The following SASH1 variants were observed in gnomAD, a reference collection of about 807,000 sequenced individuals.
SASH1 encodes the protein SAM and SH3 domain-containing protein 1.
Under a neutral mutation model 125.2 loss-of-function variants are expected in SASH1, and 44 were observed. The observed-to-expected ratio is 0.35, with a 90% CI of 0.28 to 0.45. The LOEUF (loss-of-function observed/expected upper bound fraction) is 0.45. SASH1 is among the 20% of genes least tolerant of loss of function. The pLI is 1.00. For synonymous variants in SASH1, 639 were observed against 649.1 expected, an observed-to-expected ratio of 0.98 and a Z score of 0.24; for missense variants, 1,426 against 1,614.5, an observed-to-expected ratio of 0.88 and a Z score of 2.00.
chr6:148,274,536 G>A (rs559933210), intron 1 of SASH1, among the ~76,000 whole-genome samples: 1 of 152,264 alleles, frequency 6.6e-6, no homozygotes, highest in East Asian at 1.9e-4. Flanking sequence ...AGCACATTTG[G>A]GTTTTTGTGC....
chr6:148,348,164 A>T lies in SASH1; in HGVS notation c.156+4941A>T, dbSNP rs1781580135. ...TGGGATTACAGGCGTCTGCCACCAC[A>T]CCTGGCTAATTTTTGTATTTTTAGT... is the stretch of plus-strand genomic sequence containing the variant. On this transcript the variant is annotated intron_variant, in intron 1 of 19. Transcript: ENST00000367467. 4.0e-5 allele frequency among the ~76,000 whole-genome samples: 6 copies of T among 151,746 alleles called. No homozygotes were observed. The South Asian group carries it at 1.3e-3, about 32-fold the overall frequency.
At chr6:148,527,163 A>G in intron 11 of SASH1, 1 of 254,806 alleles carries the variant, frequency 3.9e-6, no homozygotes, top group Non-Finnish European at 7.3e-6. Flanking sequence ...GATGAAATGC[A>G]GCCCCCTTGG....
chr6:148,226,829 G>T, the SASH1 span, among the ~76,000 whole-genome samples: 6 of 152,122 alleles, frequency 3.9e-5, no homozygotes, highest in Non-Finnish European at 4.4e-5. Flanking sequence ...GGAAGCTGGG[G>T]TCCTACCTCA....
At chr6:148,421,197 GAAAGAA>G (rs1361033267) in intron 2 of SASH1, among the ~76,000 whole-genome samples, 1 of 143,358 alleles carries the variant, frequency 7.0e-6, no homozygotes, top group Non-Finnish European at 1.6e-5. Flanking sequence ...AAGAAAGAAA[GAAAGAA>G]AGAAAGAAAG....
intron 1 of SASH1, among the ~76,000 whole-genome samples, chr6:148,377,184 CAAAA>C (rs1205507255): frequency 2.6e-5 from 1 of 38,130 alleles, no homozygotes; most frequent in Non-Finnish European, 5.8e-5. Context: ...AAAAAAAAAA[CAAAA>C]AAAAAACAAA....
At chr6:148,369,973 A>AAC (rs1782645953) in intron 1 of SASH1, among the ~76,000 whole-genome samples, 4 of 149,680 alleles carry the variant, frequency 2.7e-5, no homozygotes, top group Non-Finnish European at 5.9e-5. Flanking sequence ...AAACAAAAAA[A>AAC]AAAAAAAAAA....
chr6:148,325,340 G>A (rs1003182650), intron 1 of SASH1, among the ~76,000 whole-genome samples: 1 of 151,818 alleles, frequency 6.6e-6, no homozygotes, highest in Non-Finnish European at 1.5e-5. Flanking sequence ...CAAGTGTCGC[G>A]ATTTTGGCTC....
intron 2 of SASH1, among the ~76,000 whole-genome samples, chr6:148,401,589 A>T (rs1028984772): frequency 6.6e-6 from 1 of 152,180 alleles, no homozygotes; most frequent in Non-Finnish European, 1.5e-5. Context: ...TAAGTAATTT[A>T]TGTATAAGGC....
intron 1 of SASH1, among the ~76,000 whole-genome samples, chr6:148,299,152 G>C (rs1779863371): frequency 6.6e-6 from 1 of 152,186 alleles, no homozygotes; most frequent in Admixed American, 6.5e-5. Flanking sequence ...GGTTGAAGGT[G>C]TTTGGGAAAC....
chr6:148,228,073 G>A, the SASH1 span, among the ~76,000 whole-genome samples: 2 of 152,102 alleles, frequency 1.3e-5, no homozygotes, highest in African/African-American at 4.8e-5. Flanking sequence ...AACTGTAAGA[G>A]GATTCATCCT....
At chr6:148,324,508 T>A (rs562606615) in intron 1 of SASH1, among the ~76,000 whole-genome samples, 2 of 152,266 alleles carry the variant, frequency 1.3e-5, no homozygotes, top group Admixed American at 1.3e-4. Context: ...ATCCAATGAA[T>A]CACCCAGTCC....
At chr6:148,462,438 G>A (rs764506032) in intron 4 of SASH1, among the ~76,000 whole-genome samples, 13 of 151,986 alleles carry the variant, frequency 8.6e-5, no homozygotes, top group Non-Finnish European at 1.6e-4. Context: ...ATGTAGAAAC[G>A]AGATAGAGTT....
chr6:148,443,147 A>G (rs890934329), intron 4 of SASH1, among the ~76,000 whole-genome samples: 12 of 10,396 alleles, frequency 1.2e-3, no homozygotes, highest in African/African-American at 3.2e-3. Context: ...TTTTTAGAAA[A>G]AAAAAAAAAA....
intron 8 of SASH1, among the ~76,000 whole-genome samples, chr6:148,504,323 A>G (rs1445682880): frequency 6.6e-6 from 1 of 152,154 alleles, no homozygotes; most frequent in Non-Finnish European, 1.5e-5. Context: ...ACCACGTGGT[A>G]TCTGAAGAGT....
chr6:148,344,177 G>A (rs1781441364), intron 1 of SASH1, among the ~76,000 whole-genome samples: 1 of 152,148 alleles, frequency 6.6e-6, no homozygotes, highest in African/African-American at 2.4e-5. Context: ...GTTATACTAG[G>A]TCAAATGCCA....
chr6:148,528,402 T>C (rs1331295988), intron 12 of SASH1, among the ~76,000 whole-genome samples: 1 of 152,198 alleles, frequency 6.6e-6, no homozygotes, highest in Admixed American at 6.5e-5. Flanking sequence ...TAATGCACTT[T>C]ATCTACCAAA....
At chr6:148,400,195 G>T (rs1361764977) in intron 2 of SASH1, among the ~76,000 whole-genome samples, 2 of 152,190 alleles carry the variant, frequency 1.3e-5, no homozygotes, top group Non-Finnish European at 2.9e-5. Flanking sequence ...GAGACTGTAG[G>T]AGATGACTGA....
intron 1 of SASH1, among the ~76,000 whole-genome samples, chr6:148,337,428 G>A (rs557949005): frequency 2.0e-5 from 3 of 152,178 alleles, no homozygotes; most frequent in South Asian, 2.1e-4. Flanking sequence ...GTTTCACCAC[G>A]TTAGCCAGGA....
intron 1 of SASH1, among the ~76,000 whole-genome samples, chr6:148,281,486 G>A (rs2128505779): frequency 6.6e-6 from 1 of 152,234 alleles, no homozygotes; most frequent in Non-Finnish European, 1.5e-5. Flanking sequence ...GACAGGGAGG[G>A]CTCCAGGAGG....
Sources: allele counts gnomAD v4.1 joint callset (sites outside exome capture counted in the v4.1 genomes callset), GRCh38; gene constraint gnomAD v4.1.1; transcripts MANE v1.5; gene names NCBI Gene and HGNC (gene_info 2026-07-23, HGNC 2026-07-21).